The following CSRNP3 variants were observed in gnomAD, a reference collection of about 807,000 sequenced individuals.
CSRNP3 encodes the protein cysteine and serine rich nuclear protein 3, also known as cysteine/serine-rich nuclear protein 3.
A neutral mutation model predicts 48.0 loss-of-function variants in CSRNP3; 12 were observed. That is an observed-to-expected ratio of 0.25 (90% confidence interval 0.16 to 0.41). The LOEUF (loss-of-function observed/expected upper bound fraction) is 0.41. Among genes scored for constraint, CSRNP3 ranks in the 10% least tolerant of loss-of-function variants. The pLI is 1.00. For synonymous variants in CSRNP3, 263 were observed against 269.7 expected (o/e 0.98, Z 0.24); for missense variants, 580 against 724.4 (o/e 0.80, Z 2.29).
At chr2:165,527,453 G>C (rs1183781701) in intron 3 of CSRNP3, among the ~76,000 whole-genome samples, 1 of 151,808 alleles carries the variant, frequency 6.6e-6, no homozygotes, top group Non-Finnish European at 1.5e-5. Flanking sequence ...GATCCGTCCT[G>C]CTCAGCCTCC....
chr2:165,578,781 A>T (rs1558939495), intron 3 of CSRNP3, among the ~76,000 whole-genome samples: 1 of 152,110 alleles, frequency 6.6e-6, no homozygotes, highest in Admixed American at 6.5e-5. Flanking sequence ...TGTATATTAT[A>T]TGTGATTTCA....
At chr2:165,498,244 C>G (rs1164661209) in intron 2 of CSRNP3, among the ~76,000 whole-genome samples, 1 of 151,938 alleles carries the variant, frequency 6.6e-6, no homozygotes, top group Non-Finnish European at 1.5e-5. Context: ...GAAAATGTTA[C>G]AATGAAAAGT....
intron 4 of CSRNP3, among the ~76,000 whole-genome samples, chr2:165,633,502 G>A (rs926094493): frequency 4.6e-5 from 7 of 152,204 alleles, no homozygotes; most frequent in South Asian, 2.1e-4. Flanking sequence ...AGCTTCTTTC[G>A]TCTTGCTTTG....
intron 4 of CSRNP3, among the ~76,000 whole-genome samples, chr2:165,601,863 A>C (rs1326018101): frequency 6.6e-6 from 1 of 152,234 alleles, no homozygotes; most frequent in Non-Finnish European, 1.5e-5. Context: ...TAGAAGTATG[A>C]CTGGAACATG....
chr2:165,482,060 T>C (rs1684051320), intron 1 of CSRNP3, among the ~76,000 whole-genome samples: 1 of 151,894 alleles, frequency 6.6e-6, no homozygotes, highest in African/African-American at 2.4e-5. Context: ...AACCTGCACA[T>C]GTACTCCCTG....
chr2:165,583,114 AT>A (rs1349028827), intron 3 of CSRNP3, among the ~76,000 whole-genome samples: 3 of 152,282 alleles, frequency 2.0e-5, no homozygotes, highest in Middle Eastern at 3.4e-3. Context: ...ACCTTGTGGG[AT>A]TTTACCTTGT....
intron 4 of CSRNP3, among the ~76,000 whole-genome samples, chr2:165,622,887 C>T (rs1686363844): frequency 6.6e-6 from 1 of 152,098 alleles, no homozygotes; most frequent in Non-Finnish European, 1.5e-5. Context: ...CTACTAGTCT[C>T]CATTACAGTC....
At chr2:165,612,335 G>A (rs760730822) in intron 4 of CSRNP3, among the ~76,000 whole-genome samples, 9 of 151,974 alleles carry the variant, frequency 5.9e-5, no homozygotes, top group Non-Finnish European at 1.2e-4. Context: ...AAAAGTATCA[G>A]TTATAACCAC....
chr2:165,640,781 C>T (rs1191128307), intron 4 of CSRNP3, among the ~76,000 whole-genome samples: 1 of 152,172 alleles, frequency 6.6e-6, no homozygotes, highest in Non-Finnish European at 1.5e-5. Context: ...TGAGCTTGAG[C>T]TTGACACTGT....
intron 3 of CSRNP3, among the ~76,000 whole-genome samples, chr2:165,521,291 T>A (rs926037487): frequency 6.6e-6 from 1 of 152,174 alleles, no homozygotes; most frequent in Non-Finnish European, 1.5e-5. Flanking sequence ...CAAACCAATA[T>A]TGAGCTTTGT....
chr2:165,588,515 T>G lies in CSRNP3; in HGVS notation c.-23-6528T>G, dbSNP rs1167556574. ...GTCTAAGTGAGAAATGGTGGTGCCCTTGACTAGCATGTGTTTCATGAATTG... is the reference window on the plus strand; with the variant it reads ...GTCTAAGTGAGAAATGGTGGTGCCCGTGACTAGCATGTGTTTCATGAATTG... On this transcript the variant is annotated intron_variant, in intron 3 of 6. Coordinates refer to ENST00000651982, the MANE Select transcript of CSRNP3 (RefSeq NM_001172173.2). Among the ~76,000 whole-genome samples the G allele has an allele frequency of 5.3e-5, 8 of 152,238 alleles. No individual in the cohort carries two copies. In the East Asian group the frequency reaches 1.5e-3, roughly 29 times the overall value.
Position 165,688,745 on chromosome 2 carries a change from A to G in CSRNP3, c.*8992A>G, listed in dbSNP as rs1687670524. The G allele has an allele frequency of 1.3e-5, 2 of 152,114 alleles. No individual in the cohort carries two copies. The highest frequency in any genetic ancestry group is 4.8e-5 in the African/African-American group (2 of 41,442). The allele number at this position is 152,114 out of a possible 1,614,324, so 9.4% of individuals were successfully genotyped here. Reference sequence around the variant, plus strand: ...CAGATATTGGGAATGGTCCTTACACAAGGGAAGTCTTTTGAGAATATTTGT... The same window carrying G: ...CAGATATTGGGAATGGTCCTTACACGAGGGAAGTCTTTTGAGAATATTTGT... On this transcript the variant is annotated 3_prime_UTR_variant, in exon 7 of 7. Transcript: ENST00000651982.
At chr2:165,551,053 G>GGACA (rs1335395628) in intron 3 of CSRNP3, among the ~76,000 whole-genome samples, 1 of 151,726 alleles carries the variant, frequency 6.6e-6, no homozygotes, top group Non-Finnish European at 1.5e-5. Context: ...CTCCAGAACT[G>GGACA]GACAGCTTTT....
chr2:165,526,921 TA>T (rs1684739156), intron 3 of CSRNP3, among the ~76,000 whole-genome samples: 1 of 151,960 alleles, frequency 6.6e-6, no homozygotes. Flanking sequence ...ATTCCAAATA[TA>T]AAAAAAGATT....
chr2:165,540,734 A>T (rs924441530), intron 3 of CSRNP3, among the ~76,000 whole-genome samples: 1 of 151,996 alleles, frequency 6.6e-6, no homozygotes, highest in African/African-American at 2.4e-5. Context: ...TTACCAGTTT[A>T]GTCTAAATTT....
intron 4 of CSRNP3, among the ~76,000 whole-genome samples, chr2:165,647,512 A>G (rs1203955749): frequency 6.6e-6 from 1 of 152,150 alleles, no homozygotes; most frequent in Non-Finnish European, 1.5e-5. Context: ...AAATATATAG[A>G]TAGTGTGGAG....
At chr2:165,618,099 A>T (rs923135177) in intron 4 of CSRNP3, among the ~76,000 whole-genome samples, 1 of 152,204 alleles carries the variant, frequency 6.6e-6, no homozygotes, top group African/African-American at 2.4e-5. Flanking sequence ...CAGTGTAGTA[A>T]TGTGAACTAC....
At chr2:165,479,721 C>T (rs1459258188) in intron 1 of CSRNP3, among the ~76,000 whole-genome samples, 2 of 151,862 alleles carry the variant, frequency 1.3e-5, no homozygotes, top group Non-Finnish European at 2.9e-5. Flanking sequence ...CCCATCCCTA[C>T]TAAAAATCAA....
At chr2:165,570,358 C>A (rs2105273690) in intron 3 of CSRNP3, among the ~76,000 whole-genome samples, 1 of 152,022 alleles carries the variant, frequency 6.6e-6, no homozygotes, top group South Asian at 2.1e-4. Flanking sequence ...ATTTTACTGG[C>A]AATGTGTTTT....
Sources: allele counts gnomAD v4.1 joint callset (sites outside exome capture counted in the v4.1 genomes callset), GRCh38; gene constraint gnomAD v4.1.1; transcripts MANE v1.5; gene names NCBI Gene and HGNC (gene_info 2026-07-23, HGNC 2026-07-21).